DDX1: variants seen among roughly 807,000 people sequenced by gnomAD.
DDX1 encodes the protein ATP-dependent RNA helicase DDX1.
Under a neutral mutation model 108.7 loss-of-function variants are expected in DDX1, and 28 were observed. That is an observed-to-expected ratio of 0.26 (90% CI 0.19 to 0.35). The LOEUF is 0.35. DDX1 is among the 10% of genes least tolerant of loss of function. The pLI is 1.00. For synonymous variants in DDX1, 295 were observed against 288.9 expected, an observed-to-expected ratio of 1.02 and a Z score of -0.21; for missense variants, 710 against 884.5, an observed-to-expected ratio of 0.80 and a Z score of 2.50.
intron 24 of DDX1, 77 bp downstream of exon 24, chr2:15,629,774 C>T: frequency 2.5e-6 from 3 of 1,215,368 alleles, no homozygotes; most frequent in Non-Finnish European, 3.4e-6. Context: ...AAAATTATAT[C>T]TTGGCTTTTA....
rs567721950 is a variant in DDX1, at chr2:15,599,639, G to C, written c.260-30G>C. On this transcript the variant is annotated intron_variant, in intron 5 of 25. Coordinates refer to ENST00000233084, the MANE Select transcript of DDX1 (RefSeq NM_004939.3). The stretch of plus-strand genomic sequence containing the variant: ...AGCATTTTAAATTTTATATATCTGT[G>C]GGTAACTTTTCTTATTTTAATTTGT... 111 of 1,560,484 alleles carry C rather than the reference G, an allele frequency of 7.1e-5. 2 individuals carry two copies. The South Asian group carries it at 1.3e-3, about 18-fold the overall frequency.
chr2:15,625,974 C>T (rs1666095623), intron 19 of DDX1, among the ~76,000 whole-genome samples: 1 of 151,458 alleles, frequency 6.6e-6, no homozygotes, highest in African/African-American at 2.4e-5. Flanking sequence ...TTCTTCCTGT[C>T]TATGTTTTGA....
chr2:15,612,899 CG>C (rs1008584307), intron 13 of DDX1, among the ~76,000 whole-genome samples: 3 of 151,282 alleles, frequency 2.0e-5, no homozygotes, highest in Non-Finnish European at 3.0e-5. Context: ...CGCAGGCACT[CG>C]GCAAGCTGAG....
intron 12 of DDX1, among the ~76,000 whole-genome samples, chr2:15,606,853 T>C (rs971367500): frequency 3.9e-5 from 6 of 152,180 alleles, no homozygotes; most frequent in African/African-American, 1.4e-4. Flanking sequence ...GGGATCTCAC[T>C]GTGTCACCCA....
At chr2:15,620,135 C>A in intron 16 of DDX1, 73 bp from the exon 17 acceptor site, 1 of 1,326,804 alleles carries the variant, frequency 7.5e-7, no homozygotes, top group Non-Finnish European at 1.1e-6. Context: ...CTTTGTGTTT[C>A]ATATCAGTGT....
chr2:15,612,891 C>CAG (rs1283778373), intron 13 of DDX1, among the ~76,000 whole-genome samples: 1 of 151,624 alleles, frequency 6.6e-6, no homozygotes, highest in Non-Finnish European at 1.5e-5. Context: ...CCTGCAATCG[C>CAG]AGGCACTCGG....
intron 17 of DDX1, among the ~76,000 whole-genome samples, 157 bp from the exon 18 acceptor site, chr2:15,620,908 T>A (rs1665994078): frequency 1.3e-5 from 2 of 152,208 alleles, no homozygotes; most frequent in Non-Finnish European, 2.9e-5. Flanking sequence ...TTTTTCTGAA[T>A]CTGAAGAATG....
intron 13 of DDX1, among the ~76,000 whole-genome samples, chr2:15,612,227 G>T (rs7575179): frequency 0.24 from 35,311 of 149,924 alleles, 4,933 homozygotes; most frequent in African/African-American, 0.41. Context: ...GCTGCCGGGC[G>T]GTGACGCTCC....
At chr2:15,620,144 G>A (rs1665973093) in intron 16 of DDX1, 64 bp from the exon 17 acceptor site, 1 of 1,417,648 alleles carries the variant, frequency 7.1e-7, no homozygotes. Flanking sequence ...TCATATCAGT[G>A]TTTGTGTGAT....
intron 7 of DDX1, 139 bp from the exon 8 acceptor site, chr2:15,603,053 G>A: frequency 4.8e-6 from 3 of 623,160 alleles, no homozygotes; most frequent in East Asian, 5.7e-5. Context: ...ATCTGGGAAG[G>A]TGTTTGATGG....
At chr2:15,629,422 A>C (rs1374814740) in intron 23 of DDX1, among the ~76,000 whole-genome samples, 180 bp from the exon 24 acceptor site, 1 of 152,214 alleles carries the variant, frequency 6.6e-6, no homozygotes, top group Non-Finnish European at 1.5e-5. Flanking sequence ...GAACTTTTTC[A>C]GAAGACCTAT....
chr2:15,618,024 C>A (rs1282052825), intron 15 of DDX1, among the ~76,000 whole-genome samples, 157 bp from the exon 16 acceptor site: 2 of 152,020 alleles, frequency 1.3e-5, no homozygotes, highest in Admixed American at 1.3e-4. Flanking sequence ...TATCTTTATC[C>A]AACAAAATAA....
At chr2:15,626,056 T>G (rs998238556) in intron 19 of DDX1, among the ~76,000 whole-genome samples, 1 of 152,166 alleles carries the variant, frequency 6.6e-6, no homozygotes, top group African/African-American at 2.4e-5. Context: ...ACTTTGATGC[T>G]CCTTCCCTAA....
intron 9 of DDX1, 122 bp from the exon 10 acceptor site, chr2:15,604,315 C>A: frequency 1.5e-6 from 1 of 672,882 alleles, no homozygotes; most frequent in Non-Finnish European, 2.6e-6. Flanking sequence ...ATGTCATATG[C>A]TCTAATAGGC....
At chr2:15,606,049 A>G (rs531715831) in intron 11 of DDX1, 23 bp downstream of exon 11, 7 of 1,572,228 alleles carry the variant, frequency 4.5e-6, no homozygotes, top group Non-Finnish European at 6.0e-6. Flanking sequence ...CTAGTTAGAA[A>G]AAATTTGCTG....
chr2:15,614,487 T>G (rs1665859611), intron 14 of DDX1, among the ~76,000 whole-genome samples: 1 of 152,256 alleles, frequency 6.6e-6, no homozygotes, highest in Admixed American at 6.5e-5. Flanking sequence ...CCAAAACTCA[T>G]GTTGAAATTT....
chr2:15,597,963 C>T (rs1665527572), intron 5 of DDX1, among the ~76,000 whole-genome samples: 1 of 152,026 alleles, frequency 6.6e-6, no homozygotes, highest in African/African-American at 2.4e-5. Context: ...GCAGTCCTAT[C>T]TACATGGAAA....
At chr2:15,613,147 A>C in intron 13 of DDX1, 77 bp from the exon 14 acceptor site, 1 of 968,100 alleles carries the variant, frequency 1.0e-6, no homozygotes, top group Non-Finnish European at 1.5e-6. Context: ...ACCTAAAATA[A>C]ATGGATGCAG....
intron 14 of DDX1, among the ~76,000 whole-genome samples, chr2:15,615,706 AT>A (rs1302595618): frequency 3.9e-5 from 6 of 152,184 alleles, no homozygotes; most frequent in Non-Finnish European, 7.3e-5. Flanking sequence ...AACTTTGCTA[AT>A]AGAAAACTAT....
Sources: gnomAD v4.1 joint callset for allele counts (sites outside exome capture counted in the v4.1 genomes callset) on GRCh38, gnomAD v4.1.1 for gene constraint, MANE v1.5 for transcripts, NCBI Gene and HGNC (gene_info 2026-07-23, HGNC 2026-07-21) for gene names.